MYO1D: variants seen among roughly 807,000 people sequenced by gnomAD.
MYO1D encodes the protein myosin ID.
In MYO1D, 83 loss-of-function variants were observed where a neutral mutation model predicts 122.0. The ratio of observed to expected loss-of-function variants is 0.68; its 90% CI spans 0.57 to 0.82. MYO1D has a LOEUF of 0.82. Ranked by LOEUF, MYO1D falls within the 40% of genes least tolerant of loss-of-function variation. The pLI is 0.00. For synonymous variants in MYO1D, 464 were observed against 446.9 expected (o/e 1.04, Z -0.48); for missense variants, 1,157 against 1,269.5 (o/e 0.91, Z 1.35).
intron 21 of MYO1D, among the ~76,000 whole-genome samples, chr17:32,581,024 G>C (rs1029303594): frequency 2.0e-5 from 3 of 152,124 alleles, no homozygotes; most frequent in African/African-American, 7.2e-5. Flanking sequence ...TGTAGAACTG[G>C]TGATATTTCT....
chr17:32,687,334 C>A (rs2089031221), intron 16 of MYO1D, among the ~76,000 whole-genome samples: 1 of 151,974 alleles, frequency 6.6e-6, no homozygotes, highest in Non-Finnish European at 1.5e-5. Flanking sequence ...GTAGCTGGGA[C>A]TCCAGGCACC....
intron 21 of MYO1D, among the ~76,000 whole-genome samples, chr17:32,583,515 G>T (rs2087360671): frequency 6.6e-6 from 1 of 151,846 alleles, no homozygotes; most frequent in African/African-American, 2.4e-5. Context: ...TTATATATAG[G>T]CCACTTGAAA....
chr17:32,642,916 T>C (rs541482040), intron 19 of MYO1D, among the ~76,000 whole-genome samples: 1 of 152,322 alleles, frequency 6.6e-6, no homozygotes, highest in African/African-American at 2.4e-5. Flanking sequence ...TACCCTTTAT[T>C]TCTTTCTCCT....
At chr17:32,516,983 G>C (rs1256194763) in intron 21 of MYO1D, among the ~76,000 whole-genome samples, 1 of 152,150 alleles carries the variant, frequency 6.6e-6, no homozygotes, top group African/African-American at 2.4e-5. Context: ...CAACAAATTA[G>C]CGTGGGTGCA....
chr17:32,811,671 G>A (rs2090574054), intron 1 of MYO1D, among the ~76,000 whole-genome samples: 1 of 121,402 alleles, frequency 8.2e-6, no homozygotes, highest in Non-Finnish European at 1.6e-5. Context: ...CTGCTCAGGT[G>A]TTCATCCCTC....
At chr17:32,686,617 G>C (rs1440334156) in intron 16 of MYO1D, 5 of 152,172 alleles carry the variant, frequency 3.3e-5, no homozygotes, top group Admixed American at 6.5e-5. Context: ...TGTAATCCCA[G>C]TACTTTGGGA....
chr17:32,732,537 TG>T (rs2150999195), intron 14 of MYO1D, among the ~76,000 whole-genome samples: 1 of 152,250 alleles, frequency 6.6e-6, no homozygotes, highest in Non-Finnish European at 1.5e-5. Flanking sequence ...TTCATACTGC[TG>T]GTCTCCTCTA....
chr17:32,838,993 T>C (rs559991990), intron 1 of MYO1D, among the ~76,000 whole-genome samples: 1 of 152,358 alleles, frequency 6.6e-6, no homozygotes, highest in Middle Eastern at 3.4e-3. Context: ...TGATTACATA[T>C]AATTTTCCAT....
chr17:32,778,174 A>C (rs1049762168), intron 3 of MYO1D, among the ~76,000 whole-genome samples: 2 of 152,214 alleles, frequency 1.3e-5, no homozygotes, highest in Admixed American at 6.5e-5. Context: ...AGTCAACAGT[A>C]ATAAACCAGG....
chr17:32,830,274 T>G (rs2090759076), intron 1 of MYO1D: 1 of 152,240 alleles, frequency 6.6e-6, no homozygotes, highest in Non-Finnish European at 1.5e-5. Flanking sequence ...ATAAGGAGTT[T>G]GATCTGCAAG....
chr17:32,679,766 CTTTAAAGTAG>C (rs1415970713), intron 16 of MYO1D, among the ~76,000 whole-genome samples: 2 of 151,866 alleles, frequency 1.3e-5, no homozygotes, highest in East Asian at 3.9e-4. Flanking sequence ...TCCATATGAA[CTTTAAAGTAG>C]TTTTTTCCAA....
intron 16 of MYO1D, among the ~76,000 whole-genome samples, chr17:32,709,632 C>G (rs1598028789): frequency 6.6e-6 from 1 of 151,846 alleles, no homozygotes; most frequent in East Asian, 1.9e-4. Flanking sequence ...TATTCCAGTC[C>G]AAATGTTTTC....
Position 32,778,582 on chromosome 17 carries a change from A to G in MYO1D, c.305-9T>C, listed in dbSNP as rs200877741. ...ACCAGCTCCACTTTCCCCTGGGGGG[A>G]AAAATTGTTCAGGGCTTAACATAAT... On this transcript the variant is annotated splice_polypyrimidine_tract_variant and intron_variant, in intron 2 of 21. Transcript: ENST00000318217. The G allele has an allele frequency of 1.4e-4, 228 of 1,604,314 alleles. 1 individual carries two copies. Among genetic ancestry groups the G allele is most frequent in the Non-Finnish European group, 3.0e-5 (35 of 1,171,762 alleles).
intron 21 of MYO1D, among the ~76,000 whole-genome samples, chr17:32,537,937 A>C (rs1026409532): frequency 3.3e-5 from 5 of 152,218 alleles, no homozygotes; most frequent in African/African-American, 1.2e-4. Context: ...TTATATCTTC[A>C]TTTGACATGG....
chr17:32,733,537 G>A (rs28713582), intron 14 of MYO1D, among the ~76,000 whole-genome samples: 6,207 of 152,164 alleles, frequency 0.041, 417 homozygotes, highest in African/African-American at 0.14. Context: ...CTGATAATGG[G>A]GAATTACTTC....
At chr17:32,502,915 T>C (rs527335790) in intron 21 of MYO1D, among the ~76,000 whole-genome samples, 75 of 152,344 alleles carry the variant, frequency 4.9e-4, no homozygotes, top group Middle Eastern at 3.4e-3. Flanking sequence ...GCTGGCTGCA[T>C]TGGGGAGGGA....
At chr17:32,571,274 T>C (rs77028931) in intron 21 of MYO1D, among the ~76,000 whole-genome samples, 6,498 of 152,100 alleles carry the variant, frequency 0.043, 175 homozygotes, top group Non-Finnish European at 0.059. Context: ...GAAAACCTCA[T>C]TGGTTGGTAA....
At chr17:32,711,021 C>T (rs749138104) in intron 16 of MYO1D, among the ~76,000 whole-genome samples, 4 of 152,172 alleles carry the variant, frequency 2.6e-5, no homozygotes, top group Non-Finnish European at 5.9e-5. Context: ...ATTAGGTATA[C>T]ACATGCCCTA....
chr17:32,582,865 G>C (rs1418077804), intron 21 of MYO1D, among the ~76,000 whole-genome samples: 1 of 152,070 alleles, frequency 6.6e-6, no homozygotes, highest in African/African-American at 2.4e-5. Context: ...TTTCCTTCAT[G>C]AATTCACCCA....
Sources: allele counts gnomAD v4.1 joint callset (sites outside exome capture counted in the v4.1 genomes callset), GRCh38; gene constraint gnomAD v4.1.1; transcripts MANE v1.5; gene names NCBI Gene and HGNC (gene_info 2026-07-23, HGNC 2026-07-21).